The following RAD51B variants were observed in gnomAD, a reference collection of about 807,000 sequenced individuals.
The protein encoded by RAD51B is RAD51 paralog B, also known as DNA repair protein RAD51 homolog 2.
RAD51B carries 38 observed loss-of-function variants against 42.2 expected under a neutral mutation model. The ratio of observed to expected loss-of-function variants is 0.90; its 90% CI spans 0.70 to 1.18. The LOEUF (loss-of-function observed/expected upper bound fraction) is 1.18, where lower values mean the gene tolerates loss of function less well. Ranked by LOEUF, RAD51B falls within the 50% of genes most tolerant of loss-of-function variation. The probability of loss-of-function intolerance (pLI) is 0.00; values close to 1 mark genes in which losing one functional copy is unlikely to be tolerated. For missense variants in RAD51B, 373 were observed against 400.7 expected (o/e 0.93, Z 0.59); for synonymous variants, 154 against 145.2 (o/e 1.06, Z -0.43).
chr14:68,455,964 T>G (rs993727989), intron 9 of RAD51B, among the ~76,000 whole-genome samples: 2 of 152,156 alleles, frequency 1.3e-5, no homozygotes. Context: ...TTGATGCACA[T>G]TTTTTGCAAA....
intron 8 of RAD51B, among the ~76,000 whole-genome samples, chr14:68,400,018 T>C (rs1268680938): frequency 6.6e-6 from 1 of 152,190 alleles, no homozygotes; most frequent in Admixed American, 6.5e-5. Context: ...TTCTCTTCTG[T>C]TCTTACTGCT....
intron 7 of RAD51B, among the ~76,000 whole-genome samples, chr14:68,114,602 T>C (rs1191367268): frequency 6.6e-6 from 1 of 152,134 alleles, no homozygotes; most frequent in East Asian, 1.9e-4. Flanking sequence ...TTGTGATAAG[T>C]TTCTTATTAT....
At chr14:68,446,757 A>C (rs1343963667) in intron 9 of RAD51B, among the ~76,000 whole-genome samples, 2 of 152,166 alleles carry the variant, frequency 1.3e-5, no homozygotes, top group African/African-American at 2.4e-5. Flanking sequence ...GAGGAATTGA[A>C]TAATTGAATT....
At chr14:67,976,779 T>A (rs1056667935) in intron 7 of RAD51B, among the ~76,000 whole-genome samples, 3 of 152,106 alleles carry the variant, frequency 2.0e-5, no homozygotes, top group African/African-American at 7.2e-5. Flanking sequence ...TGAACAGGCA[T>A]CGTACAGAAT....
At chr14:68,524,628 T>A (rs1335335840) in intron 10 of RAD51B, among the ~76,000 whole-genome samples, 1 of 152,216 alleles carries the variant, frequency 6.6e-6, no homozygotes, top group Non-Finnish European at 1.5e-5. Flanking sequence ...TTAACTCACG[T>A]TCTCCTACAA....
chr14:68,439,153 TACAC>T (rs10565900), intron 9 of RAD51B, among the ~76,000 whole-genome samples: 21 of 119,286 alleles, frequency 1.8e-4, no homozygotes, highest in African/African-American at 2.9e-4. Context: ...TGTATTTTTG[TACAC>T]ACACACACAC....
At chr14:68,484,570 G>A (rs1375468705) in intron 10 of RAD51B, among the ~76,000 whole-genome samples, 1 of 152,018 alleles carries the variant, frequency 6.6e-6, no homozygotes, top group African/African-American at 2.4e-5. Flanking sequence ...TGTTAGCCAG[G>A]ACGGTCTTGA....
At chr14:67,940,155 C>A (rs1238363007) in intron 7 of RAD51B, among the ~76,000 whole-genome samples, 1 of 138,398 alleles carries the variant, frequency 7.2e-6, no homozygotes, top group Non-Finnish European at 1.5e-5. Context: ...CTCACTGCAA[C>A]CTCTGCCTCC....
At chr14:68,030,867 A>G (rs964053225) in intron 7 of RAD51B, among the ~76,000 whole-genome samples, 1 of 152,166 alleles carries the variant, frequency 6.6e-6, no homozygotes, top group African/African-American at 2.4e-5. Context: ...AGGCCACTGT[A>G]GGGTTATTAA....
intron 7 of RAD51B, among the ~76,000 whole-genome samples, chr14:68,095,750 C>T (rs1189516402): frequency 5.3e-5 from 8 of 151,724 alleles, no homozygotes; most frequent in South Asian, 4.2e-4. Flanking sequence ...CCGAGGTGGG[C>T]GGATCACGAG....
chr14:68,404,246 C>T (rs1250563027), intron 8 of RAD51B, among the ~76,000 whole-genome samples: 2 of 152,178 alleles, frequency 1.3e-5, no homozygotes. Context: ...ACTGCTTTGG[C>T]AGGTCTAAAT....
intron 7 of RAD51B, among the ~76,000 whole-genome samples, chr14:68,181,920 A>T (rs1385060759): frequency 6.6e-6 from 1 of 152,196 alleles, no homozygotes. Context: ...AATAATTTCA[A>T]CTGGCTTTAA....
rs575156346 is a variant in RAD51B, at chr14:68,051,305, A to G, written c.756+164101A>G. Among the ~76,000 whole-genome samples, 3 of 152,280 alleles carry G rather than the reference A, an allele frequency of 2.0e-5. 1 individual carries two copies. In the South Asian group the frequency reaches 6.2e-4, roughly 32 times the overall value. ...TTTCTTGGCACTACTAAATTATTCT[A>G]CAACATGACTTAATGACTGCAGAGT... On this transcript the variant is annotated intron_variant, in intron 7 of 10. Coordinates refer to ENST00000471583, the MANE Select transcript of RAD51B (RefSeq NM_133510.4).
intron 10 of RAD51B, among the ~76,000 whole-genome samples, chr14:68,622,522 G>A (rs979285922): frequency 6.6e-6 from 1 of 151,998 alleles, no homozygotes; most frequent in Non-Finnish European, 1.5e-5. Context: ...TGAGGTGATG[G>A]CATTTAAATT....
At chr14:68,439,574 C>G (rs1409521415) in intron 9 of RAD51B, among the ~76,000 whole-genome samples, 1 of 152,156 alleles carries the variant, frequency 6.6e-6, no homozygotes, top group Non-Finnish European at 1.5e-5. Flanking sequence ...TCTCCATTGT[C>G]CCTGTTCCCC....
At chr14:67,976,885 C>T (rs2075005748) in intron 7 of RAD51B, among the ~76,000 whole-genome samples, 1 of 152,088 alleles carries the variant, frequency 6.6e-6, no homozygotes. Flanking sequence ...AACAAACAAC[C>T]TCATCAACAA....
chr14:68,220,386 A>G (rs1312176972), intron 7 of RAD51B, among the ~76,000 whole-genome samples: 1 of 152,246 alleles, frequency 6.6e-6, no homozygotes, highest in Non-Finnish European at 1.5e-5. Flanking sequence ...CTCAAGAGAC[A>G]CAGAAAAAGC....
intron 8 of RAD51B, among the ~76,000 whole-genome samples, chr14:68,355,840 G>A (rs565046830): frequency 1.5e-4 from 23 of 152,148 alleles, no homozygotes; most frequent in Non-Finnish European, 2.8e-4. Flanking sequence ...ACAACTCTAT[G>A]TCCATAAATA....
At chr14:68,125,489 A>G (rs1417727971) in intron 7 of RAD51B, 1 of 152,204 alleles carries the variant, frequency 6.6e-6, no homozygotes, top group Non-Finnish European at 1.5e-5. Flanking sequence ...TCTGAATGTG[A>G]ACTTAATCTG....
Sources: allele counts gnomAD v4.1 joint callset (sites outside exome capture counted in the v4.1 genomes callset), GRCh38; gene constraint gnomAD v4.1.1; transcripts MANE v1.5; gene names NCBI Gene and HGNC (gene_info 2026-07-23, HGNC 2026-07-21).